Variants in MCEE observed in about 807,000 individuals in gnomAD.
The protein encoded by MCEE is methylmalonyl-CoA epimerase, mitochondrial.
Under a neutral mutation model 12.9 loss-of-function variants are expected in MCEE, and 6 were observed. That is an observed-to-expected ratio of 0.47 (90% CI 0.26 to 0.92). The LOEUF (loss-of-function observed/expected upper bound fraction) is 0.92, where lower values mean the gene tolerates loss of function less well. MCEE is among the 40% of genes least tolerant of loss of function. MCEE has a pLI of 0.16. For missense variants in MCEE, 214 were observed against 212.1 expected (o/e 1.01, Z -0.05); for synonymous variants, 78 against 77.9 (o/e 1.00, Z -0.01).
intron 2 of MCEE, 49 bp downstream of exon 2, chr2:71,124,157 T>C: frequency 1.4e-6 from 2 of 1,415,112 alleles, no homozygotes; most frequent in Non-Finnish European, 2.0e-6. Flanking sequence ...TAGAAGACAT[T>C]TTTTAAAAGA....
chr2:71,129,139 G>C (rs903170868), intron 1 of MCEE, among the ~76,000 whole-genome samples: 2 of 152,118 alleles, frequency 1.3e-5, no homozygotes, highest in African/African-American at 4.8e-5. Flanking sequence ...GCCAAGATGT[G>C]TATGTAAGTA....
intron 2 of MCEE, among the ~76,000 whole-genome samples, chr2:71,115,090 C>T (rs962964425): frequency 1.3e-5 from 2 of 152,156 alleles, no homozygotes; most frequent in Non-Finnish European, 2.9e-5. Flanking sequence ...TTACTTCAAG[C>T]CTGGGCACAG....
intron 2 of MCEE, among the ~76,000 whole-genome samples, chr2:71,123,086 C>T (rs1316193476): frequency 6.6e-6 from 1 of 152,210 alleles, no homozygotes; most frequent in African/African-American, 2.4e-5. Context: ...TGCTAAATCC[C>T]AAGTACTTGG....
intron 1 of MCEE, among the ~76,000 whole-genome samples, chr2:71,125,903 A>G (rs547625782): frequency 6.6e-6 from 1 of 152,354 alleles, no homozygotes; most frequent in Non-Finnish European, 1.5e-5. Flanking sequence ...ATTACAACCG[A>G]GTACACATAT....
chr2:71,128,292 T>C (rs1371613824), intron 1 of MCEE, among the ~76,000 whole-genome samples: 1 of 152,212 alleles, frequency 6.6e-6, no homozygotes, highest in Non-Finnish European at 1.5e-5. Flanking sequence ...TTCGGCGAAG[T>C]TTTATGTTCC....
intron 2 of MCEE, chr2:71,118,474 C>T (rs1272869204): frequency 6.7e-6 from 1 of 150,246 alleles, no homozygotes; most frequent in Non-Finnish European, 1.5e-5. Flanking sequence ...GAACAAAATA[C>T]CTAAACTAGG....
intron 2 of MCEE, among the ~76,000 whole-genome samples, chr2:71,122,135 C>CT (rs1558746684): frequency 6.6e-6 from 1 of 151,892 alleles, no homozygotes; most frequent in Admixed American, 6.6e-5. Context: ...AATGTTAGTT[C>CT]TTTTTTTTGA....
chr2:71,128,169 G>A (rs114640287), intron 1 of MCEE, among the ~76,000 whole-genome samples: 90 of 152,270 alleles, frequency 5.9e-4, no homozygotes, highest in Non-Finnish European at 1.0e-3. Context: ...ATTAATGAAA[G>A]TAAACCTATG....
intron 1 of MCEE, among the ~76,000 whole-genome samples, chr2:71,125,211 A>ATATAT: frequency 1.0e-3 from 51 of 48,610 alleles, no homozygotes; most frequent in African/African-American, 2.2e-3. Flanking sequence ...ATATATATAT[A>ATATAT]TTTTTTTTTT....
chr2:71,129,295 T>G (rs1673311270), intron 1 of MCEE, among the ~76,000 whole-genome samples: 1 of 152,178 alleles, frequency 6.6e-6, no homozygotes, highest in Non-Finnish European at 1.5e-5. Flanking sequence ...AAATATTCAT[T>G]TATTTATAGT....
chr2:71,118,940 G>C (rs1673047390), intron 2 of MCEE, among the ~76,000 whole-genome samples: 1 of 149,298 alleles, frequency 6.7e-6, no homozygotes, highest in African/African-American at 2.6e-5. Flanking sequence ...TCAGTCTCTG[G>C]CTTCCCCGGG....
At position 71,116,507 on chromosome 2, in the gene MCEE, C is replaced by T. The variant is rs1166860534; in HGVS notation, c.379-6385G>A. Reference sequence around the variant, plus strand: ...CTGCAAATTAAGAGTGACAATAACCCGAATAAAAAATGTTTGGATTGTCAC... The same window carrying T: ...CTGCAAATTAAGAGTGACAATAACCTGAATAAAAAATGTTTGGATTGTCAC... On this transcript the variant is annotated intron_variant, in intron 2 of 2. Transcript: ENST00000244217. Among the ~76,000 whole-genome samples, 7 of 148,700 alleles carry T rather than the reference C, an allele frequency of 4.7e-5. 1 individual carries two copies. Among genetic ancestry groups the T allele is most frequent in the Non-Finnish European group, 7.4e-5 (5 of 67,908 alleles).
intron 2 of MCEE, among the ~76,000 whole-genome samples, chr2:71,122,473 A>G (rs1207112146): frequency 6.6e-6 from 1 of 152,196 alleles, no homozygotes; most frequent in Non-Finnish European, 1.5e-5. Flanking sequence ...GGCAATTTAC[A>G]AAAGAAACAG....
At chr2:71,120,894 C>G (rs985317749) in intron 2 of MCEE, among the ~76,000 whole-genome samples, 1 of 152,096 alleles carries the variant, frequency 6.6e-6, no homozygotes, top group Admixed American at 6.6e-5. Context: ...TGCGCCGCCA[C>G]GTCCAGCTAA....
At chr2:71,119,139 T>C (rs912154475) in intron 2 of MCEE, among the ~76,000 whole-genome samples, 2 of 150,440 alleles carry the variant, frequency 1.3e-5, no homozygotes, top group African/African-American at 5.0e-5. Context: ...TTTTTGTTTT[T>C]GGTAAGTAGA....
intron 2 of MCEE, among the ~76,000 whole-genome samples, chr2:71,110,416 G>A (rs1274319532): frequency 6.6e-6 from 1 of 152,156 alleles, no homozygotes; most frequent in Non-Finnish European, 1.5e-5. Context: ...TATTCTGGCA[G>A]TACTATTAGT....
chr2:71,119,396 T>C (rs1217781810), intron 2 of MCEE, among the ~76,000 whole-genome samples: 1 of 150,384 alleles, frequency 6.6e-6, no homozygotes, highest in Non-Finnish European at 1.5e-5. Context: ...AAAAATACAG[T>C]GTATAACCTT....
At position 71,127,981 on chromosome 2, in the gene MCEE, G is replaced by T. The variant is rs559401937; in HGVS notation, c.40+2199C>A. Among the ~76,000 whole-genome samples, 4 of 152,278 alleles carry T rather than the reference G, an allele frequency of 2.6e-5. 1 individual carries two copies. In the South Asian group the frequency reaches 8.3e-4, roughly 32 times the overall value. ...TGGTTTGAGGAAACATACGTATTTA[G>T]AAAGTCATTCATTAGAAGTGCTTTC... On this transcript the variant is annotated intron_variant, in intron 1 of 2. Coordinates refer to ENST00000244217, the MANE Select transcript of MCEE (RefSeq NM_032601.4).
intron 1 of MCEE, among the ~76,000 whole-genome samples, chr2:71,128,269 T>A (rs1673280790): frequency 6.6e-6 from 1 of 152,218 alleles, no homozygotes; most frequent in Non-Finnish European, 1.5e-5. Flanking sequence ...CTGATTTTTC[T>A]GTGCTTTTGT....
Sources: gnomAD v4.1 joint callset for allele counts (sites outside exome capture counted in the v4.1 genomes callset) on GRCh38, gnomAD v4.1.1 for gene constraint, MANE v1.5 for transcripts, NCBI Gene and HGNC (gene_info 2026-07-23, HGNC 2026-07-21) for gene names.